ITPRID1: variants seen among roughly 807,000 people sequenced by gnomAD.
ITPRID1 encodes the protein protein ITPRID1.
ITPRID1 carries 96 observed loss-of-function variants against 95.4 expected under a neutral mutation model. The observed-to-expected ratio is 1.01, with a 90% CI of 0.85 to 1.19. The LOEUF is 1.19. Among genes scored for constraint, ITPRID1 ranks in the 50% most tolerant of loss-of-function variants. The probability of loss-of-function intolerance (pLI) is 0.00; values close to 1 mark genes in which losing one functional copy is unlikely to be tolerated. For synonymous variants in ITPRID1, 510 were observed against 453.6 expected (o/e 1.12, Z -1.58); for missense variants, 1,339 against 1,252.9 (o/e 1.07, Z -1.04).
intron 12 of ITPRID1, among the ~76,000 whole-genome samples, chr7:31,650,846 C>T (rs1310768345): frequency 6.6e-6 from 1 of 152,202 alleles, no homozygotes; most frequent in Non-Finnish European, 1.5e-5. Context: ...CTTCTACCTA[C>T]ATCCTTGCAT....
In ITPRID1 at chr7:31,572,061, T is replaced by G. The variant is rs770899563; in HGVS notation, c.309-41T>G. Reference sequence around the variant, plus strand: ...CACAATGACCTCCCAGGAGACTATCTAAATCAACACATCTCATTGTTGATA... The same window carrying G: ...CACAATGACCTCCCAGGAGACTATCGAAATCAACACATCTCATTGTTGATA... On this transcript the variant is annotated intron_variant, in intron 6 of 14. Coordinates refer to ENST00000615280, the MANE Select transcript of ITPRID1 (RefSeq NM_001257967.3). The G allele has an allele frequency of 6.8e-6, 9 of 1,325,442 alleles. 1 individual carries two copies. The highest frequency in any genetic ancestry group is 9.7e-6 in the Non-Finnish European group (9 of 925,400). The allele number at this position is 1,325,442 out of a possible 1,614,324, so 82.1% of individuals were successfully genotyped here. A position where few individuals can be genotyped will look rare whatever the true frequency, so the allele number is the denominator to read the frequency against.
chr7:31,602,820 T>C (rs1786451969), intron 10 of ITPRID1, among the ~76,000 whole-genome samples: 1 of 152,074 alleles, frequency 6.6e-6, no homozygotes, highest in South Asian at 2.1e-4. Context: ...CTTTTTTGCC[T>C]TTATTTTTCT....
intron 1 of ITPRID1, among the ~76,000 whole-genome samples, chr7:31,524,667 A>G (rs1783368446): frequency 6.6e-6 from 1 of 152,180 alleles, no homozygotes; most frequent in Non-Finnish European, 1.5e-5. Flanking sequence ...GTAGTAAAGG[A>G]AATTTTTTGT....
chr7:31,536,498 A>T (rs988340502), intron 1 of ITPRID1, among the ~76,000 whole-genome samples: 1 of 152,136 alleles, frequency 6.6e-6, no homozygotes, highest in Admixed American at 6.6e-5. Context: ...TGTCTTAATG[A>T]TGGGTCTCAT....
At chr7:31,628,716 A>G (rs1788718165) in intron 10 of ITPRID1, among the ~76,000 whole-genome samples, 1 of 152,122 alleles carries the variant, frequency 6.6e-6, no homozygotes, top group East Asian at 1.9e-4. Flanking sequence ...TCGGCCTCCG[A>G]AAGTGCTGGG....
intron 10 of ITPRID1, among the ~76,000 whole-genome samples, chr7:31,587,946 G>T (rs1350672142): frequency 6.6e-6 from 1 of 152,140 alleles, no homozygotes; most frequent in Non-Finnish European, 1.5e-5. Flanking sequence ...TATGTAGAAA[G>T]CTGAAACTGG....
downstream of ITPRID1, among the ~76,000 whole-genome samples, chr7:31,657,507 A>G (rs1157000887): frequency 6.6e-6 from 1 of 152,210 alleles, no homozygotes; most frequent in Admixed American, 6.6e-5. Context: ...GCTTTCATAC[A>G]AGGAGATGAG....
At chr7:31,600,645 G>C (rs1217428492) in intron 10 of ITPRID1, among the ~76,000 whole-genome samples, 1 of 152,228 alleles carries the variant, frequency 6.6e-6, no homozygotes, top group East Asian at 1.9e-4. Flanking sequence ...GGGGTGAGCT[G>C]CCTGCATGCG....
intron 1 of ITPRID1, among the ~76,000 whole-genome samples, chr7:31,520,326 T>C (rs1783200939): frequency 6.6e-6 from 1 of 152,222 alleles, no homozygotes; most frequent in South Asian, 2.1e-4. Flanking sequence ...AGTTACGCTT[T>C]TCCTCTTTCC....
At chr7:31,648,955 C>A (rs1790722664) in intron 12 of ITPRID1, among the ~76,000 whole-genome samples, 1 of 152,206 alleles carries the variant, frequency 6.6e-6, no homozygotes, top group Admixed American at 6.5e-5. Context: ...ATAACAGATG[C>A]CCTTCATGGT....
intron 8 of ITPRID1, among the ~76,000 whole-genome samples, chr7:31,575,332 G>A (rs929805369): frequency 1.3e-5 from 2 of 152,302 alleles, no homozygotes; most frequent in South Asian, 2.1e-4. Flanking sequence ...ACCTTGAGCT[G>A]TAAGTGATAG....
chr7:31,586,684 G>A (rs947090949), intron 10 of ITPRID1, among the ~76,000 whole-genome samples: 1 of 152,110 alleles, frequency 6.6e-6, no homozygotes, highest in African/African-American at 2.4e-5. Flanking sequence ...TTTTGATGGG[G>A]TTGTCTGTTT....
At chr7:31,619,310 G>A (rs1263091724) in intron 10 of ITPRID1, among the ~76,000 whole-genome samples, 1 of 152,138 alleles carries the variant, frequency 6.6e-6, no homozygotes, top group East Asian at 1.9e-4. Context: ...GGTCCATAAA[G>A]TTAGTGATTT....
In ITPRID1 at chr7:31,615,964, C is replaced by G. The variant is rs192669472; in HGVS notation, c.1229-26212C>G. On this transcript the variant is annotated intron_variant, in intron 10 of 14. Coordinates refer to ENST00000615280, the MANE Select transcript of ITPRID1 (RefSeq NM_001257967.3). ...TAGAGACGGGGTTTCACTGTGGTCT[C>G]GCTCTCCTGACCTCCTGATCTGCCC... 1.1e-3 allele frequency among the ~76,000 whole-genome samples: 164 copies of G among 151,980 alleles called. 2 individuals are homozygous for G. In the South Asian group the frequency reaches 0.011, roughly 10 times the overall value.
At chr7:31,627,443 C>A (rs536019238) in intron 10 of ITPRID1, among the ~76,000 whole-genome samples, 3 of 152,056 alleles carry the variant, frequency 2.0e-5, no homozygotes, top group Non-Finnish European at 4.4e-5. Context: ...GGATCACTGA[C>A]GCCCAGGAGT....
Position 31,599,863 on chromosome 7 carries a change from GT to G in ITPRID1, c.1228+16680del, listed in dbSNP as rs1036968164. Among the ~76,000 whole-genome samples the G allele has an allele frequency of 2.6e-5, 4 of 151,136 alleles. 1 individual carries two copies. The highest frequency in any genetic ancestry group is 4.9e-5 in the African/African-American group (2 of 41,080). On this transcript the variant is annotated intron_variant, in intron 10 of 14. Coordinates refer to ENST00000615280, the MANE Select transcript of ITPRID1 (RefSeq NM_001257967.3). ...GGCGCCTGCCACCACGCCCGGCTAA[GT>G]TTTTTTTGTATTTTTAGTGGAGACG...
At chr7:31,534,941 T>C (rs1286154091) in intron 1 of ITPRID1, among the ~76,000 whole-genome samples, 1 of 152,116 alleles carries the variant, frequency 6.6e-6, no homozygotes, top group Non-Finnish European at 1.5e-5. Flanking sequence ...AATTTATTTT[T>C]ATCTTATTTT....
chr7:31,566,168 G>A (rs564979029), intron 5 of ITPRID1, among the ~76,000 whole-genome samples: 1 of 152,304 alleles, frequency 6.6e-6, no homozygotes, highest in South Asian at 2.1e-4. Context: ...TCCAGATTCT[G>A]GATGACTGGG....
At chr7:31,579,852 G>T (rs375611373) in intron 9 of ITPRID1, among the ~76,000 whole-genome samples, 3 of 152,130 alleles carry the variant, frequency 2.0e-5, no homozygotes, top group Non-Finnish European at 2.9e-5. Flanking sequence ...GCATTAAAAT[G>T]AATAATAATA....
Sources: allele counts gnomAD v4.1 joint callset (sites outside exome capture counted in the v4.1 genomes callset), GRCh38; gene constraint gnomAD v4.1.1; transcripts MANE v1.5; gene names NCBI Gene and HGNC (gene_info 2026-07-23, HGNC 2026-07-21).